Variants in AFF2 observed in about 807,000 individuals in gnomAD.
AFF2 encodes the protein ALF transcription elongation factor 2.
A neutral mutation model predicts 76.9 loss-of-function variants in AFF2; 14 were observed. The observed-to-expected ratio is 0.18, with a 90% CI of 0.12 to 0.28. AFF2 has a LOEUF of 0.28. Among genes scored for constraint, AFF2 ranks in the 10% least tolerant of loss-of-function variants. The probability of loss-of-function intolerance (pLI) is 1.00; values close to 1 mark genes in which losing one functional copy is unlikely to be tolerated. For missense variants in AFF2, 868 were observed against 1,001.1 expected (o/e 0.87, Z 1.79); for synonymous variants, 398 against 366.7 (o/e 1.09, Z -0.98).
At chrX:148,683,385 T>C (rs1260097558) in intron 3 of AFF2, among the ~76,000 whole-genome samples, 4 of 111,932 alleles carry the variant, frequency 3.6e-5, no homozygotes, top group African/African-American at 1.3e-4. Context: ...CAAAAATGAA[T>C]GTATCAGTCT....
chrX:148,866,543 C>G (rs1310879083), intron 7 of AFF2, among the ~76,000 whole-genome samples: 1 of 112,230 alleles, frequency 8.9e-6, no homozygotes. Context: ...CAAAATGCCA[C>G]CAGCCTCCTG....
At chrX:148,603,226 A>T (rs976945822) in intron 1 of AFF2, among the ~76,000 whole-genome samples, 14 of 111,932 alleles carry the variant, frequency 1.3e-4, no homozygotes, top group Admixed American at 7.6e-4. Flanking sequence ...AAAGAGGAAA[A>T]AAAAATGTCA....
In AFF2 at chrX:148,837,676, C is replaced by T. The variant is rs1557273937; in HGVS notation, c.1116C>T (p.Leu372=). ...TGACCCATTCCTGGCCTACTCCTCT[C>T]ACTTCCATGCATACTGCTGGACACT... ...REMTHSWPTP[L]TSMHTAGHSE... The change falls in exon 5 of 21, where the codon CTC becomes CTT. Residue 372 remains leucine, a synonymous_variant. Coordinates refer to ENST00000370460, the MANE Select transcript of AFF2 (RefSeq NM_002025.4). 5 of 1,200,078 alleles carry T rather than the reference C, an allele frequency of 4.2e-6. No homozygotes were observed. Among genetic ancestry groups the T allele is most frequent in the Middle Eastern group, 2.3e-4 (1 of 4,322 alleles).
intron 3 of AFF2, among the ~76,000 whole-genome samples, chrX:148,725,800 T>G (rs1603288271): frequency 8.9e-6 from 1 of 112,543 alleles, no homozygotes; most frequent in Non-Finnish European, 1.9e-5. Context: ...TTTAAATTAT[T>G]ATGGATAGTA....
rs1471647057 is a variant in AFF2, at chrX:148,795,145, A to G, written c.1042-14731A>G. Among the ~76,000 whole-genome samples, 4 of 112,294 alleles carry G rather than the reference A, an allele frequency of 3.6e-5. No homozygotes were observed. In the East Asian group the frequency reaches 1.1e-3, roughly 31 times the overall value. ...TCTAAATTTCCAAGGAATGATTTCT[A>G]TTAGCGATGGTCTTAGTAGCAGTAA... On this transcript the variant is annotated intron_variant, in intron 3 of 20. Coordinates refer to ENST00000370460, the MANE Select transcript of AFF2 (RefSeq NM_002025.4).
chrX:148,583,475 C>T (rs1186063838), intron 1 of AFF2, among the ~76,000 whole-genome samples: 5 of 111,226 alleles, frequency 4.5e-5, no homozygotes, highest in Non-Finnish European at 9.4e-5. Context: ...ACATGTATAG[C>T]CACTCACCAT....
intron 3 of AFF2, among the ~76,000 whole-genome samples, chrX:148,701,019 T>A (rs868987692): frequency 5.7e-4 from 59 of 103,789 alleles, no homozygotes; most frequent in African/African-American, 1.6e-3. Flanking sequence ...AGAATGTGTG[T>A]GTGTGTGTGT....
chrX:148,531,910 A>T (rs868952291), intron 1 of AFF2, among the ~76,000 whole-genome samples: 431 of 10,920 alleles, frequency 0.039, 2 homozygotes, highest in African/African-American at 0.27. Flanking sequence ...CTTTTTTTTA[A>T]AAAAAAAGCA....
At chrX:148,541,098 G>A (rs1484058097) in intron 1 of AFF2, among the ~76,000 whole-genome samples, 3 of 112,265 alleles carry the variant, frequency 2.7e-5, no homozygotes, top group African/African-American at 6.5e-5. Flanking sequence ...TGACATGATT[G>A]TGCTAATTGT....
intron 7 of AFF2, among the ~76,000 whole-genome samples, chrX:148,880,023 T>C (rs1208433322): frequency 8.9e-6 from 1 of 112,413 alleles, no homozygotes. Flanking sequence ...TGTTTAGACC[T>C]TGCCTGTGGG....
At chrX:148,614,685 C>T (rs11797289) in intron 1 of AFF2, among the ~76,000 whole-genome samples, 1 of 72,177 alleles carries the variant, frequency 1.4e-5, no homozygotes, top group South Asian at 6.8e-4. Context: ...TCCTTCTTTC[C>T]TTCTTTCTTT....
chrX:148,656,856 C>A (rs1246975966), intron 2 of AFF2, among the ~76,000 whole-genome samples: 1 of 111,410 alleles, frequency 9.0e-6, no homozygotes, highest in Admixed American at 9.5e-5. Context: ...TATCCTTATA[C>A]ATGGCGAATT....
rs1557288258 is a variant in AFF2, at chrX:148,962,857, A to G, written c.2833A>G (p.Met945Val). The G allele has an allele frequency of 2.5e-6, 3 of 1,210,819 alleles. No homozygotes were observed. The highest frequency in any genetic ancestry group is 3.4e-6 in the Non-Finnish European group (3 of 894,425). Residue 945 changes from methionine to valine, a missense_variant, in exon 13 of 21, where the codon ATG becomes GTG. Transcript: ENST00000370460. Reference protein sequence around the residue: ...GPFGQDKNIAMTGQITSTKPK... With the variant: ...GPFGQDKNIAVTGQITSTKPK... ...CTTTGGTCAAGACAAAAACATCGCC[A>G]TGACTGGACAAATCACATCTACCAA...
intron 3 of AFF2, among the ~76,000 whole-genome samples, chrX:148,782,058 T>C (rs2069753050): frequency 9.1e-6 from 1 of 110,212 alleles, no homozygotes; most frequent in Non-Finnish European, 1.9e-5. Context: ...GGTACCTCAG[T>C]TGGAAATGCA....
intron 1 of AFF2, 47 bp downstream of exon 1, chrX:148,501,191 C>A (rs781810269): frequency 2.5e-6 from 3 of 1,200,022 alleles, no homozygotes; most frequent in Admixed American, 2.2e-5. Context: ...AGTCTCCTGG[C>A]GAAGTCTGAG....
chrX:148,727,614 GA>G (rs782281604), intron 3 of AFF2, among the ~76,000 whole-genome samples: 7,728 of 104,787 alleles, frequency 0.074, 642 homozygotes, highest in African/African-American at 0.23. Flanking sequence ...CTTTAAAAGT[GA>G]AAAAAAAAAT....
rs150016674 is a variant in AFF2 at position 148,871,742 on chromosome X, T to C, written c.1263-14147T>C. ...AAAGTCAGGGAGGAGGAGAAGAGTC[T>C]TTGCCCACAGGATCTTGGCTTGGTC... is the stretch of plus-strand genomic sequence containing the variant. On this transcript the variant is annotated intron_variant, in intron 7 of 20. Transcript: ENST00000370460. Among the ~76,000 whole-genome samples, 998 of 111,307 alleles carry C rather than the reference T, an allele frequency of 9.0e-3. 12 individuals are homozygous for C. Among genetic ancestry groups the C allele is most frequent in the African/African-American group, 0.031 (956 of 30,576 alleles).
At chrX:148,555,286 ATTG>A (rs1304212867) in intron 1 of AFF2, among the ~76,000 whole-genome samples, 4 of 112,016 alleles carry the variant, frequency 3.6e-5, no homozygotes, top group African/African-American at 1.3e-4. Flanking sequence ...GTCTGATCCC[ATTG>A]TTGTTGCAAA....
chrX:148,856,633 G>A (rs1457579670), intron 7 of AFF2, among the ~76,000 whole-genome samples: 2 of 111,431 alleles, frequency 1.8e-5, no homozygotes, highest in African/African-American at 6.5e-5. Flanking sequence ...CAGGAATTTG[G>A]CCAGAGATAT....
Sources: allele counts gnomAD v4.1 joint callset (sites outside exome capture counted in the v4.1 genomes callset), GRCh38; gene constraint gnomAD v4.1.1; transcripts MANE v1.5; gene names NCBI Gene and HGNC (gene_info 2026-07-23, HGNC 2026-07-21).